The following MPHOSPH8 variants were observed in gnomAD, a reference collection of about 807,000 sequenced individuals.
MPHOSPH8 encodes the protein M-phase phosphoprotein, mpp.
In MPHOSPH8, 45 loss-of-function variants were observed where a neutral mutation model predicts 87.3. That is an observed-to-expected ratio of 0.52 (90% confidence interval 0.41 to 0.66). The LOEUF is 0.66. MPHOSPH8 is among the 30% of genes least tolerant of loss of function. MPHOSPH8 has a pLI of 0.00. For synonymous variants in MPHOSPH8, 366 were observed against 376.9 expected, an observed-to-expected ratio of 0.97 and a Z score of 0.33; for missense variants, 883 against 1,020.2, an observed-to-expected ratio of 0.87 and a Z score of 1.83.
At chr13:19,638,658 T>A (rs1393088493) in intron 1 of MPHOSPH8, among the ~76,000 whole-genome samples, 1 of 152,104 alleles carries the variant, frequency 6.6e-6, no homozygotes, top group African/African-American at 2.4e-5. Flanking sequence ...CTGATATTTC[T>A]TGAGTTCAGA....
chr13:19,651,013 T>C (rs1489362642), intron 5 of MPHOSPH8, among the ~76,000 whole-genome samples: 1 of 152,200 alleles, frequency 6.6e-6, no homozygotes, highest in African/African-American at 2.4e-5. Flanking sequence ...AGAGGGCAGA[T>C]GCCAAATAGT....
chr13:19,667,356 A>G (rs1041074719), intron 10 of MPHOSPH8, among the ~76,000 whole-genome samples: 9 of 152,154 alleles, frequency 5.9e-5, no homozygotes, highest in African/African-American at 2.2e-4. Flanking sequence ...GGGAACCTAC[A>G]GGGACATGGC....
In MPHOSPH8 at chr13:19,668,476, G is replaced by A. The variant is rs1875940653; in HGVS notation, c.2274G>A (p.Glu758=). 2 of 1,614,022 alleles carry A rather than the reference G, an allele frequency of 1.2e-6. No individual in the cohort carries two copies. Among genetic ancestry groups the A allele is most frequent in the Non-Finnish European group, 1.7e-6 (2 of 1,180,024 alleles). ...VFPIACHRLC[E]GPDFSTDFNY... ...CAATCGCATGTCATCGACTCTGTGA[G>A]GGTCCAGATTTTTCAACAGATTTCA... Residue 758 remains glutamate (E), a synonymous_variant, in exon 11 of 14, where the codon GAG becomes GAA. Transcript: ENST00000361479.
chr13:19,643,208 T>G (rs1454761658), intron 2 of MPHOSPH8, among the ~76,000 whole-genome samples: 1 of 152,176 alleles, frequency 6.6e-6, no homozygotes, highest in Non-Finnish European at 1.5e-5. Context: ...GCTTGATCTG[T>G]CTTCAGGTTA....
At chr13:19,659,537 A>T in intron 7 of MPHOSPH8, 3 of 425,776 alleles carry the variant, frequency 7.0e-6, no homozygotes, top group Non-Finnish European at 1.3e-5. Context: ...GGTGGTGTAC[A>T]CCTTTGGTCC....
At chr13:19,642,006 A>T in intron 1 of MPHOSPH8, 109 bp from the exon 2 acceptor site, 1 of 974,880 alleles carries the variant, frequency 1.0e-6, no homozygotes, top group Non-Finnish European at 1.4e-6. Flanking sequence ...TCCACTTAGA[A>T]GCAATTTTCA....
At chr13:19,636,314 T>A (rs375901817) in intron 1 of MPHOSPH8, among the ~76,000 whole-genome samples, 146 of 152,296 alleles carry the variant, frequency 9.6e-4, no homozygotes, top group African/African-American at 3.3e-3. Flanking sequence ...CACTTACAAT[T>A]GATTCACTTT....
At chr13:19,653,976 AAC>A (rs969651028) in intron 5 of MPHOSPH8, among the ~76,000 whole-genome samples, 11 of 152,216 alleles carry the variant, frequency 7.2e-5, no homozygotes, top group African/African-American at 2.4e-4. Flanking sequence ...CAAGTTGGAA[AAC>A]ACTCTTCAAA....
At chr13:19,653,987 A>G (rs9579594) in intron 5 of MPHOSPH8, among the ~76,000 whole-genome samples, 16,246 of 152,236 alleles carry the variant, frequency 0.11, 1,056 homozygotes, top group African/African-American at 0.18. Flanking sequence ...ACACTCTTCA[A>G]AGTATTATCC....
At chr13:19,637,955 G>A (rs1352205758) in intron 1 of MPHOSPH8, among the ~76,000 whole-genome samples, 2 of 151,666 alleles carry the variant, frequency 1.3e-5, no homozygotes, top group Non-Finnish European at 2.9e-5. Context: ...CAAAAAATTA[G>A]GTGGGCATGG....
chr13:19,646,340 C>T, intron 2 of MPHOSPH8, 103 bp from the exon 3 acceptor site: 1 of 1,029,840 alleles, frequency 9.7e-7, no homozygotes, highest in Non-Finnish European at 1.3e-6. Flanking sequence ...TGAGATTCTG[C>T]TTGGAACAAA....
intron 2 of MPHOSPH8, among the ~76,000 whole-genome samples, chr13:19,642,843 A>G (rs1310128122): frequency 6.6e-6 from 1 of 152,192 alleles, no homozygotes; most frequent in Non-Finnish European, 1.5e-5. Flanking sequence ...AATGACCAAA[A>G]CAATATTAGT....
chr13:19,642,332 C>A (rs1874339963), intron 2 of MPHOSPH8, 62 bp downstream of exon 2: 2 of 1,333,486 alleles, frequency 1.5e-6, no homozygotes, highest in Non-Finnish European at 2.0e-6. Flanking sequence ...TTTTAACTCT[C>A]AAAGTATGTG....
rs529799943 is a variant in MPHOSPH8, at chr13:19,644,864, T to G, written c.370-1579T>G. Among the ~76,000 whole-genome samples, 7 of 152,350 alleles carry G rather than the reference T, an allele frequency of 4.6e-5. No individual in the cohort carries two copies. In the South Asian group the frequency reaches 1.4e-3, roughly 32 times the overall value. ...TTGTCTTGTAAGTGACTTGGGGTCTTTTTGCCTGATGCTCCAAAGTTTTTG... is the reference window on the plus strand; with the variant it reads ...TTGTCTTGTAAGTGACTTGGGGTCTGTTTGCCTGATGCTCCAAAGTTTTTG... On this transcript the variant is annotated intron_variant, in intron 2 of 13. Coordinates refer to ENST00000361479, the MANE Select transcript of MPHOSPH8 (RefSeq NM_017520.4).
At chr13:19,644,018 A>C (rs548175184) in intron 2 of MPHOSPH8, among the ~76,000 whole-genome samples, 5 of 152,240 alleles carry the variant, frequency 3.3e-5, no homozygotes, top group African/African-American at 4.8e-5. Context: ...AATGACAAAC[A>C]GTATTTGTTA....
chr13:19,647,311 G>C lies in MPHOSPH8; in HGVS notation c.1218+20G>C. 1 of 1,557,802 alleles carries C rather than the reference G, an allele frequency of 6.4e-7. No individual in the cohort carries two copies. Among genetic ancestry groups the C allele is most frequent in the Non-Finnish European group, 8.6e-7 (1 of 1,157,470 alleles). ...GAGGAGGTAAGGGCCACGGGAGGCA[G>C]CAGAAAACCCATGTTGAGTGGTCAA... On this transcript the variant is annotated intron_variant, in intron 3 of 13. Coordinates refer to ENST00000361479, the MANE Select transcript of MPHOSPH8 (RefSeq NM_017520.4).
intron 1 of MPHOSPH8, among the ~76,000 whole-genome samples, chr13:19,634,662 G>C (rs999851018): frequency 1.3e-5 from 2 of 152,174 alleles, no homozygotes; most frequent in Non-Finnish European, 2.9e-5. Flanking sequence ...CCTCTGCAGA[G>C]TGAGGAGCTT....
At chr13:19,654,948 CAA>C (rs1199477154) in intron 5 of MPHOSPH8, among the ~76,000 whole-genome samples, 1 of 139,802 alleles carries the variant, frequency 7.2e-6, no homozygotes. Context: ...CACACCATCT[CAA>C]AAAAAAAAAG....
Position 19,651,996 on chromosome 13 carries a change from G to A in MPHOSPH8, c.1576+1736G>A, listed in dbSNP as rs535730392. On this transcript the variant is annotated intron_variant, in intron 5 of 13. Transcript: ENST00000361479. ...GCGTGCCTGCAGTCCCAGCCACTTG[G>A]GAGGCTGAGGCAGGAGAATCGCTTG... Among the ~76,000 whole-genome samples, 10 of 152,232 alleles carry A rather than the reference G, an allele frequency of 6.6e-5. No individual in the cohort carries two copies. In the East Asian group the frequency reaches 1.6e-3, roughly 24 times the overall value.
Sources: allele counts gnomAD v4.1 joint callset (sites outside exome capture counted in the v4.1 genomes callset), GRCh38; gene constraint gnomAD v4.1.1; transcripts MANE v1.5; gene names NCBI Gene and HGNC (gene_info 2026-07-23, HGNC 2026-07-21).